Variants in ARID3B observed in about 807,000 individuals in gnomAD.
ARID3B encodes AT-rich interaction domain 3B, also known as AT-rich interactive domain-containing protein 3B.
A neutral mutation model predicts 51.9 loss-of-function variants in ARID3B; 10 were observed. That is an observed-to-expected ratio of 0.19 (90% CI 0.12 to 0.33). ARID3B has a LOEUF of 0.33. Ranked by LOEUF, ARID3B falls within the 10% of genes least tolerant of loss-of-function variation. ARID3B has a pLI of 1.00. For synonymous variants in ARID3B, 205 were observed against 279.5 expected (o/e 0.73, Z 2.66); for missense variants, 483 against 716.3 (o/e 0.67, Z 3.72).
At chr15:74,550,706 CA>C (rs990554943) in intron 2 of ARID3B, among the ~76,000 whole-genome samples, 184 of 132,424 alleles carry the variant, frequency 1.4e-3, no homozygotes, top group Middle Eastern at 3.6e-3. Flanking sequence ...GTGTCCATCT[CA>C]AAAAAAAAAA....
In ARID3B at chr15:74,543,926, T is replaced by C; in HGVS notation, c.-11T>C. Reference sequence around the variant, plus strand: ...AGTCATGCCACTCTGTGGGTGAAGCTTGAGGCAAAAATGGAGCCACTTCAG... The same window carrying C: ...AGTCATGCCACTCTGTGGGTGAAGCCTGAGGCAAAAATGGAGCCACTTCAG... On this transcript the variant is annotated 5_prime_UTR_variant, in exon 2 of 9. Coordinates refer to ENST00000346246, the MANE Select transcript of ARID3B (RefSeq NM_006465.4). The C allele has an allele frequency of 6.2e-7, 1 of 1,602,958 alleles. No individual in the cohort carries two copies. The highest frequency in any genetic ancestry group is 8.5e-7 in the Non-Finnish European group (1 of 1,174,324).
chr15:74,571,398 A>G (rs1427797505), intron 2 of ARID3B, among the ~76,000 whole-genome samples: 1 of 152,230 alleles, frequency 6.6e-6, no homozygotes, highest in Non-Finnish European at 1.5e-5. Context: ...CACCCCAGCC[A>G]GCTGGGTGGC....
At chr15:74,552,501 A>G (rs956745822) in intron 2 of ARID3B, among the ~76,000 whole-genome samples, 5 of 150,326 alleles carry the variant, frequency 3.3e-5, no homozygotes, top group African/African-American at 9.8e-5. Flanking sequence ...AGCCTATTCT[A>G]TGGATTTTGA....
chr15:74,544,412 A>G lies in ARID3B; in HGVS notation c.476A>G (p.Lys159Arg), dbSNP rs2061607699. The G allele has an allele frequency of 6.2e-7, 1 of 1,614,044 alleles. No individual in the cohort carries two copies. Among genetic ancestry groups the G allele is most frequent in the Non-Finnish European group, 8.5e-7 (1 of 1,180,026 alleles). ...HGQQAKEDHT[K>R]DASKASPSVS... The stretch of plus-strand genomic sequence containing the variant: ...CAACAAGCTAAAGAAGACCATACCA[A>G]AGATGCTTCCAAGGCCTCACCTTCT... The change falls in exon 2 of 9, where the codon AAA (lysine) becomes AGA (arginine). Residue 159 changes from lysine to arginine, a missense_variant. Lys to Arg is a conservative substitution (Grantham distance 26). This residue lies in a region of ARID3B where 182 missense variants were observed against 244.5 expected (regional missense o/e 0.74). Coordinates refer to ENST00000346246, the MANE Select transcript of ARID3B (RefSeq NM_006465.4).
intron 8 of ARID3B, 74 bp from the exon 9 acceptor site, chr15:74,595,537 A>G: frequency 6.5e-7 from 1 of 1,531,146 alleles, no homozygotes; most frequent in Non-Finnish European, 8.9e-7. Context: ...CCAGCGGTGA[A>G]TACTTACTGA....
At position 74,595,847 on chromosome 15, in the gene ARID3B, C is replaced by T; in HGVS notation, c.*73C>T. The T allele has an allele frequency of 1.3e-6, 2 of 1,498,344 alleles. No individual in the cohort carries two copies. Among genetic ancestry groups the T allele is most frequent in the Non-Finnish European group, 1.8e-6 (2 of 1,112,780 alleles). The allele number at this position is 1,498,344 out of a possible 1,614,324, so 92.8% of individuals were successfully genotyped here. ...GGAAGTTGATGCACAGAATTTACCT[C>T]ATCTCACAGAGCCCACGTCGACGAG... On this transcript the variant is annotated 3_prime_UTR_variant, in exon 9 of 9. Coordinates refer to ENST00000346246, the MANE Select transcript of ARID3B (RefSeq NM_006465.4).
rs1363637795 is a variant in ARID3B, at chr15:74,595,613, G to A, written c.1522G>A (p.Val508Met). Reference protein sequence around the residue: ...VDIDGTTYAGVLFAQKPVVHL... With the variant: ...VDIDGTTYAGMLFAQKPVVHL... ...TTGCTTCTCTTCCACCCACCAAGGT[G>A]TGCTGTTTGCCCAGAAGCCTGTGGT... The change falls in exon 9 of 9, where the codon GTG becomes ATG. Residue 508 changes from valine to methionine, a missense_variant and splice_region_variant. Coordinates refer to ENST00000346246, the MANE Select transcript of ARID3B (RefSeq NM_006465.4). 1.2e-6 allele frequency: 2 copies of A among 1,612,430 alleles called. No homozygotes were observed. The highest frequency in any genetic ancestry group is 1.7e-6 in the Non-Finnish European group (2 of 1,179,004).
At chr15:74,560,216 A>T (rs929810543) in intron 2 of ARID3B, among the ~76,000 whole-genome samples, 28 of 151,416 alleles carry the variant, frequency 1.8e-4, no homozygotes, top group African/African-American at 6.8e-4. Context: ...AAAAAAAAAA[A>T]TTTATATACA....
At position 74,591,225 on chromosome 15, in the gene ARID3B, T is replaced by C; in HGVS notation, c.956T>C (p.Ile319Thr). ...TCCCCAGCCGAGCTCCAGGCAGCAATTGATGGCAACCGCAGGGAGGGCCGG... is the reference window on the plus strand; with the variant it reads ...TCCCCAGCCGAGCTCCAGGCAGCAACTGATGGCAACCGCAGGGAGGGCCGG... ...LSSPAELQAA[I>T]DGNRREGRRP... Residue 319 changes from isoleucine to threonine, a missense_variant, in exon 6 of 9, where the codon ATT (isoleucine) becomes ACT (threonine). Physicochemically the swap from Ile to Thr is moderately conservative, Grantham distance 89. Coordinates refer to ENST00000346246, the MANE Select transcript of ARID3B (RefSeq NM_006465.4). The surrounding 1 kb of genome is among the most constrained non-coding windows in gnomAD (Gnocchi z 5.8). 6.2e-7 allele frequency: 1 copy of C among 1,613,734 alleles called. No homozygotes were observed. Among genetic ancestry groups the C allele is most frequent in the Non-Finnish European group, 8.5e-7 (1 of 1,179,680 alleles).
intron 1 of ARID3B, among the ~76,000 whole-genome samples, chr15:74,542,616 C>A (rs2061599134): frequency 6.6e-6 from 1 of 152,200 alleles, no homozygotes; most frequent in Admixed American, 6.5e-5. Flanking sequence ...ATACTAAAGA[C>A]ACTTTGTTTT....
chr15:74,544,674 G>A (rs1331620863), intron 2 of ARID3B, among the ~76,000 whole-genome samples, 186 bp downstream of exon 2: 1 of 150,486 alleles, frequency 6.6e-6, no homozygotes, highest in Non-Finnish European at 1.5e-5. Flanking sequence ...TTAAAGCAAT[G>A]AAATATATGT....
Position 74,589,720 on chromosome 15 carries a change from A to G in ARID3B, c.698-100A>G, listed in dbSNP as rs2061796201. The stretch of plus-strand genomic sequence containing the variant: ...GTTAAATTACACTTCCAGGTTGATG[A>G]GCATTGTTTCCAGCTCGGCTAAAGG... On this transcript the variant is annotated intron_variant, in intron 4 of 8. Coordinates refer to ENST00000346246, the MANE Select transcript of ARID3B (RefSeq NM_006465.4). The G allele has an allele frequency of 4.0e-6, 5 of 1,252,468 alleles. No homozygotes were observed. In the South Asian group the frequency reaches 5.7e-5, roughly 14 times the overall value. 77.6% of individuals were successfully genotyped at this position (1,252,468 alleles called of 1,614,324 possible).
chr15:74,568,216 GCAAAGATAAAAGAGTCTCC>G (rs2061706636), intron 2 of ARID3B, among the ~76,000 whole-genome samples: 1 of 152,206 alleles, frequency 6.6e-6, no homozygotes, highest in South Asian at 2.1e-4. Context: ...ATGAGATAAA[GCAAAGATAAAAGAGTCTCC>G]CATTGATAGG....
intron 2 of ARID3B, among the ~76,000 whole-genome samples, chr15:74,558,470 TCTATTCCTTCAG>T (rs2061667554): frequency 1.3e-5 from 2 of 152,192 alleles, no homozygotes; most frequent in Admixed American, 1.3e-4. Context: ...CTTTATGGTT[TCTATTCCTTCAG>T]CTCTTTGAAC....
rs914402274 is a variant in ARID3B at position 74,596,032 on chromosome 15, G to A, written c.*258G>A. The A allele has an allele frequency of 2.9e-5, 13 of 453,494 alleles. No homozygotes were observed. The highest frequency in any genetic ancestry group is 3.5e-5 in the Non-Finnish European group (9 of 257,342). 28.1% of individuals were successfully genotyped at this position (453,494 alleles called of 1,614,324 possible). A position where few individuals can be genotyped will look rare whatever the true frequency, so the allele number is the denominator to read the frequency against. ...GAGAACTGGGTGGGGGTCTGTGGGT[G>A]TCCAGCTTCCTCCAGGGTTCCCCAG... On this transcript the variant is annotated 3_prime_UTR_variant, in exon 9 of 9. Transcript: ENST00000346246.
intron 2 of ARID3B, among the ~76,000 whole-genome samples, chr15:74,555,782 A>AT (rs2061655214): frequency 8.8e-6 from 1 of 113,252 alleles, no homozygotes; most frequent in Non-Finnish European, 1.8e-5. Flanking sequence ...TACGAGCTGT[A>AT]TTTCTTTTTT....
chr15:74,595,040 C>G (rs894366699), intron 8 of ARID3B, among the ~76,000 whole-genome samples: 1 of 152,142 alleles, frequency 6.6e-6, no homozygotes, highest in Non-Finnish European at 1.5e-5. Context: ...CTCCTCAAAC[C>G]CCTGACAAGA....
intron 2 of ARID3B, among the ~76,000 whole-genome samples, chr15:74,571,766 G>T (rs2061719801): frequency 6.6e-6 from 1 of 152,206 alleles, no homozygotes. Context: ...GAGGGTTGAA[G>T]GGAAGGCTTC....
At chr15:74,590,740 C>G (rs528731697) in intron 5 of ARID3B, among the ~76,000 whole-genome samples, 1 of 152,252 alleles carries the variant, frequency 6.6e-6, no homozygotes, top group Non-Finnish European at 1.5e-5. Flanking sequence ...ACCTAAGACA[C>G]AAAGAATGAC....
Sources: allele counts gnomAD v4.1 joint callset (sites outside exome capture counted in the v4.1 genomes callset), GRCh38; gene constraint gnomAD v4.1.1; regional missense constraint gnomAD v4.1.1; non-coding constraint Gnocchi (gnomAD v3.1); transcripts MANE v1.5; gene names NCBI Gene and HGNC (gene_info 2026-07-23, HGNC 2026-07-21).